Variants in CELF1 observed in about 807,000 individuals in gnomAD.
CELF1 encodes the protein CUGBP Elav-like family member 1, also known as 50 kDa nuclear polyadenylated RNA-binding protein.
CELF1 carries 10 observed loss-of-function variants against 61.8 expected under a neutral mutation model. The ratio of observed to expected loss-of-function variants is 0.16; its 90% CI spans 0.10 to 0.27. The LOEUF (loss-of-function observed/expected upper bound fraction) is 0.27. Ranked by LOEUF, CELF1 falls within the 10% of genes least tolerant of loss-of-function variation. The pLI is 1.00. For missense variants in CELF1, 380 were observed against 639.1 expected, an observed-to-expected ratio of 0.59 and a Z score of 4.37; for synonymous variants, 236 against 225.1, an observed-to-expected ratio of 1.05 and a Z score of -0.43.
intron 1 of CELF1, among the ~76,000 whole-genome samples, chr11:47,541,518 C>A (rs1337745264): frequency 6.6e-6 from 1 of 151,508 alleles, no homozygotes; most frequent in Non-Finnish European, 1.5e-5. Context: ...TGGTGAAACC[C>A]CGTCTCTACT....
intron 3 of CELF1, among the ~76,000 whole-genome samples, chr11:47,492,533 C>T (rs1328913331): frequency 6.6e-6 from 1 of 152,130 alleles, no homozygotes; most frequent in Non-Finnish European, 1.5e-5. Context: ...AGTTCGAGAC[C>T]ACCCTGGCCA....
chr11:47,552,223 C>G (rs1267683732), intron 1 of CELF1, among the ~76,000 whole-genome samples: 4 of 152,306 alleles, frequency 2.6e-5, no homozygotes, highest in East Asian at 1.9e-4. Flanking sequence ...ACATTCCCCT[C>G]AACTATGGGT....
At chr11:47,487,326 C>A in intron 4 of CELF1, 85 bp from the exon 5 acceptor site, 1 of 990,438 alleles carries the variant, frequency 1.0e-6, no homozygotes, top group Non-Finnish European at 1.5e-6. Context: ...CAGATCAGAT[C>A]TTAAAAGAGG....
intron 1 of CELF1, among the ~76,000 whole-genome samples, chr11:47,536,512 A>G (rs1009838854): frequency 6.6e-6 from 1 of 152,118 alleles, no homozygotes; most frequent in African/African-American, 2.4e-5. Flanking sequence ...TAATCTCAGC[A>G]CTTTGGGAGG....
intron 1 of CELF1, among the ~76,000 whole-genome samples, chr11:47,542,375 A>AT (rs1476566349): frequency 6.6e-6 from 1 of 152,136 alleles, no homozygotes; most frequent in African/African-American, 2.4e-5. Flanking sequence ...TCTCAAATAA[A>AT]TAAAGCCGTA....
intron 2 of CELF1, chr11:47,564,209 G>GT (rs1267966715): frequency 6.6e-6 from 1 of 151,536 alleles, no homozygotes; most frequent in Non-Finnish European, 1.5e-5. Context: ...GCCGGGCGCG[G>GT]TGGCTCATGC....
intron 1 of CELF1, among the ~76,000 whole-genome samples, chr11:47,539,697 G>A (rs1213590322): frequency 6.6e-6 from 1 of 152,166 alleles, no homozygotes; most frequent in Non-Finnish European, 1.5e-5. Context: ...AACTGAAAGG[G>A]TACTAGACCA....
At position 47,506,337 on chromosome 11, in the gene CELF1, G is replaced by A. The variant is rs552075502; in HGVS notation, c.-153-5405C>T. Among the ~76,000 whole-genome samples the A allele has an allele frequency of 6.4e-4, 92 of 143,676 alleles. 1 individual carries two copies. Among genetic ancestry groups the A allele is most frequent in the Non-Finnish European group, 1.0e-3 (65 of 62,504 alleles). The allele number at this position is 143,676 out of a possible 152,430, so 94.3% of individuals were successfully genotyped here. On this transcript the variant is annotated intron_variant, in intron 1 of 14. Coordinates refer to ENST00000687097, the MANE Select transcript of CELF1 (RefSeq NM_001376376.1). The stretch of plus-strand genomic sequence containing the variant: ...AGCTACTCGGGAGGCTGAGCCAGGA[G>A]AATTGCTTGAACCCGGGAGGCGGAG...
intron 1 of CELF1, among the ~76,000 whole-genome samples, chr11:47,550,798 G>T (rs1017368830): frequency 2.0e-5 from 3 of 151,974 alleles, no homozygotes; most frequent in Non-Finnish European, 4.4e-5. Context: ...ATTACATCAT[G>T]GGTATTTCAC....
At chr11:47,475,761 C>T (rs1391123951) in intron 12 of CELF1, among the ~76,000 whole-genome samples, 2 of 152,150 alleles carry the variant, frequency 1.3e-5, no homozygotes, top group Non-Finnish European at 2.9e-5. Context: ...TACCTTCATC[C>T]AATCTGTGGA....
At chr11:47,562,636 C>G (rs2153791780) in intron 2 of CELF1, among the ~76,000 whole-genome samples, 1 of 151,706 alleles carries the variant, frequency 6.6e-6, no homozygotes, top group Admixed American at 6.6e-5. Context: ...CCTGTAATCC[C>G]AGTACTTTGG....
rs368270419 is a variant in CELF1, at chr11:47,473,164, C to T, written c.1341G>A (p.Gln447=). ...PQEFGDQDLL[Q]MFMPFGNVVS... ...CGACATTCCCAAAGGGCATAAACAT[C>T]TGCAGCAGGTCCTGATCACCAAACT... Residue 447 remains glutamine, a synonymous_variant, in exon 14 of 15, where the codon CAG becomes CAA. Transcript: ENST00000687097. 102 of 1,614,216 alleles carry T rather than the reference C, an allele frequency of 6.3e-5. No individual in the cohort carries two copies. Among genetic ancestry groups the T allele is most frequent in the Middle Eastern group, 3.3e-4 (2 of 6,062 alleles).
rs561900704 is a variant in CELF1 at position 47,489,935 on chromosome 11, G to GTTTTTTTTTTTTTT, written c.72-925_72-912dup. Among the ~76,000 whole-genome samples the GTTTTTTTTTTTTTT allele has an allele frequency of 9.2e-3, 445 of 48,218 alleles. 151 individuals carry two copies. Among genetic ancestry groups the GTTTTTTTTTTTTTT allele is most frequent in the African/African-American group, 0.017 (217 of 12,856 alleles). The allele number at this position is 48,218 out of a possible 152,430, so 31.6% of individuals were successfully genotyped here. On this transcript the variant is annotated intron_variant, in intron 3 of 14. Coordinates refer to ENST00000687097, the MANE Select transcript of CELF1 (RefSeq NM_001376376.1). ...GTTTCCACTCAGAACATACCATCTT[G>GTTTTTTTTTTTTTT]TTTTTTTTTTTTTTTTTTTTGAGAC...
At chr11:47,555,837 A>T (rs549088706), upstream of CELF1, among the ~76,000 whole-genome samples, 1 of 151,976 alleles carries the variant, frequency 6.6e-6, no homozygotes, top group African/African-American at 2.4e-5. Context: ...TGTTTCTACT[A>T]AAAAATACAA....
At position 47,489,989 on chromosome 11, in the gene CELF1, A is replaced by AGT. The variant is rs1263285670; in HGVS notation, c.72-967_72-966dup. Among the ~76,000 whole-genome samples the AGT allele has an allele frequency of 9.1e-5, 9 of 98,896 alleles. No individual in the cohort carries two copies. The East Asian group carries it at 1.7e-3, about 19-fold the overall frequency. 64.9% of individuals were successfully genotyped at this position (98,896 alleles called of 152,430 possible). On this transcript the variant is annotated intron_variant, in intron 3 of 14. Transcript: ENST00000687097. ...ATTTCACTCTTGTTGCCCAGGCTGG[A>AGT]GTGTAATGGCCTGATCTCAGCTCAT...
At chr11:47,491,611 TA>T (rs2091512374) in intron 3 of CELF1, among the ~76,000 whole-genome samples, 1 of 152,226 alleles carries the variant, frequency 6.6e-6, no homozygotes. Context: ...TCTTCCAGGT[TA>T]ACTAATCAGC....
At position 47,488,869 on chromosome 11, in the gene CELF1, C is replaced by A; in HGVS notation, c.227G>T (p.Arg76Met). 6.3e-7 allele frequency: 1 copy of A among 1,591,360 alleles called. No individual in the cohort carries two copies. Among genetic ancestry groups the A allele is most frequent in the East Asian group, 2.3e-5 (1 of 42,918 alleles). The change falls in exon 4 of 15, where the codon AGG (arginine) becomes ATG (methionine). Residue 76 changes from arginine to methionine, a missense_variant. By Grantham distance (91) the Arg-to-Met change is moderately conservative. Coordinates refer to ENST00000687097, the MANE Select transcript of CELF1 (RefSeq NM_001376376.1). ...CTGAGGCGGGTTTTGGCTCCTATCC[C>A]TTAGGACGTTGATTTCATACACAGC... ...YGAVYEINVL[R>M]DRSQNPPQSK...
At chr11:47,484,583 G>C in intron 6 of CELF1, 60 bp from the exon 7 acceptor site, 1 of 1,500,818 alleles carries the variant, frequency 6.7e-7, no homozygotes, top group South Asian at 1.2e-5. Context: ...ATGTGGCACA[G>C]ATTTGGGAGC....
chr11:47,484,012 C>T (rs2085048068), intron 7 of CELF1, among the ~76,000 whole-genome samples: 3 of 152,118 alleles, frequency 2.0e-5, no homozygotes, highest in Admixed American at 1.3e-4. Context: ...TAGGGAATCA[C>T]TGTTGCTAGT....
Sources: allele counts gnomAD v4.1 joint callset (sites outside exome capture counted in the v4.1 genomes callset), GRCh38; gene constraint gnomAD v4.1.1; transcripts MANE v1.5; gene names NCBI Gene and HGNC (gene_info 2026-07-23, HGNC 2026-07-21).